The following FLRT2 variants were observed in gnomAD, a reference collection of about 807,000 sequenced individuals.
The protein encoded by FLRT2 is fibronectin leucine rich transmembrane protein 2, also known as leucine-rich repeat transmembrane protein FLRT2.
Under a neutral mutation model 40.0 loss-of-function variants are expected in FLRT2, and 15 were observed. That is an observed-to-expected ratio of 0.38 (90% CI 0.25 to 0.58). The LOEUF (loss-of-function observed/expected upper bound fraction) is 0.58, where lower values mean the gene tolerates loss of function less well. Ranked by LOEUF, FLRT2 falls within the 20% of genes least tolerant of loss-of-function variation. FLRT2 has a pLI of 0.71. For missense variants in FLRT2, 726 were observed against 840.0 expected (o/e 0.86, Z 1.68); for synonymous variants, 380 against 336.8 (o/e 1.13, Z -1.41).
chr14:85,629,216 A>G lies in FLRT2; in HGVS notation c.*5719A>G, dbSNP rs1893805853. On this transcript the variant is annotated 3_prime_UTR_variant, in exon 2 of 2. Coordinates refer to ENST00000330753, the MANE Select transcript of FLRT2 (RefSeq NM_013231.6). Reference sequence around the variant, plus strand: ...ATTGACAGGACATCTAAGGTGACAAAAGAGATGTTTCTACCTGTTGGTAAG... The same window carrying G: ...ATTGACAGGACATCTAAGGTGACAAGAGAGATGTTTCTACCTGTTGGTAAG... 1 of 152,180 alleles carries G rather than the reference A, an allele frequency of 6.6e-6. No individual in the cohort carries two copies. The highest frequency in any genetic ancestry group is 1.5e-5 in the Non-Finnish European group (1 of 68,040). The allele number at this position is 152,180 out of a possible 1,614,324, so 9.4% of individuals were successfully genotyped here.
chr14:85,628,877 T>C lies in FLRT2; in HGVS notation c.*5380T>C, dbSNP rs1893799326. 6.6e-6 allele frequency: 1 copy of C among 152,216 alleles called. No homozygotes were observed. The highest frequency in any genetic ancestry group is 2.4e-5 in the African/African-American group (1 of 41,458). 9.4% of individuals were successfully genotyped at this position (152,216 alleles called of 1,614,324 possible). A position where few individuals can be genotyped will look rare whatever the true frequency, so the allele number is the denominator to read the frequency against. ...ACCATTAGTCAAAAAATACCATTCATTCAAAATAATTCATTAATGTCCTCC... is the reference window on the plus strand; with the variant it reads ...ACCATTAGTCAAAAAATACCATTCACTCAAAATAATTCATTAATGTCCTCC... On this transcript the variant is annotated 3_prime_UTR_variant, in exon 2 of 2. Transcript: ENST00000330753.
At position 85,622,309 on chromosome 14, in the gene FLRT2, C is replaced by T; in HGVS notation, c.795C>T (p.Asn265=). The T allele has an allele frequency of 6.2e-7, 1 of 1,614,102 alleles. No homozygotes were observed. The highest frequency in any genetic ancestry group is 1.1e-5 in the South Asian group (1 of 91,086). ...IRLYLQDNQI[N]HIPLTAFSNL... ...TCTATTTGCAGGACAACCAGATAAA[C>T]CACATTCCTTTGACAGCCTTCTCAA... is the stretch of plus-strand genomic sequence containing the variant. The change falls in exon 2 of 2, where the codon AAC becomes AAT. Residue 265 remains asparagine, a synonymous_variant. Coordinates refer to ENST00000330753, the MANE Select transcript of FLRT2 (RefSeq NM_013231.6).
Position 85,631,598 on chromosome 14 carries a change from T to G in FLRT2, c.*8101T>G, listed in dbSNP as rs1037335503. On this transcript the variant is annotated 3_prime_UTR_variant, in exon 2 of 2. Coordinates refer to ENST00000330753, the MANE Select transcript of FLRT2 (RefSeq NM_013231.6). Reference sequence around the variant, plus strand: ...TGTGGAGTTCTGACTTGTGCAAAATTAGCCTTGCTCAAAGACCACAGTATG... The same window carrying G: ...TGTGGAGTTCTGACTTGTGCAAAATGAGCCTTGCTCAAAGACCACAGTATG... 3.9e-5 allele frequency: 6 copies of G among 152,144 alleles called. No individual in the cohort carries two copies. Among genetic ancestry groups the G allele is most frequent in the African/African-American group, 1.4e-4 (6 of 41,438 alleles). The allele number at this position is 152,144 out of a possible 1,614,324, so 9.4% of individuals were successfully genotyped here.
rs760155704 is a variant in FLRT2 at position 85,625,330 on chromosome 14, C to G, written c.*1833C>G. On this transcript the variant is annotated 3_prime_UTR_variant, in exon 2 of 2. Coordinates refer to ENST00000330753, the MANE Select transcript of FLRT2 (RefSeq NM_013231.6). The stretch of plus-strand genomic sequence containing the variant: ...CTCTCTCTCTCTCAGCAAAATAAAA[C>G]TGTGATGTGTCTTCTTTGTAAAAGT... 2.4e-5 allele frequency: 4 copies of G among 166,988 alleles called. No homozygotes were observed. Among genetic ancestry groups the G allele is most frequent in the Non-Finnish European group, 5.9e-5 (4 of 68,118 alleles). The allele number at this position is 166,988 out of a possible 1,614,324, so 10.3% of individuals were successfully genotyped here.
intron 1 of FLRT2, among the ~76,000 whole-genome samples, chr14:85,588,501 G>A (rs1891736915): frequency 6.6e-6 from 1 of 151,370 alleles, no homozygotes; most frequent in Non-Finnish European, 1.5e-5. Flanking sequence ...GTACATAGTA[G>A]GTGTATATAT....
At chr14:85,595,517 A>C (rs1892096012) in intron 1 of FLRT2, among the ~76,000 whole-genome samples, 1 of 121,952 alleles carries the variant, frequency 8.2e-6, no homozygotes, top group Admixed American at 8.5e-5. Context: ...ATTTGCATAC[A>C]TTTCAAGTAT....
rs1894223299 is a variant in FLRT2 at position 85,643,712 on chromosome 14, C to T, written c.*20215C>T. 1 of 152,008 alleles carries T rather than the reference C, an allele frequency of 6.6e-6. No homozygotes were observed. The highest frequency in any genetic ancestry group is 1.5e-5 in the Non-Finnish European group (1 of 68,042). The allele number at this position is 152,008 out of a possible 1,614,324, so 9.4% of individuals were successfully genotyped here. On this transcript the variant is annotated 3_prime_UTR_variant, in exon 2 of 2. Transcript: ENST00000330753. ...CTGGCCAGAGGGTGTTTCTTTAAGG[C>T]ATTTATTAATGCATTGATGAGGACT...
intron 1 of FLRT2, among the ~76,000 whole-genome samples, chr14:85,619,304 C>T (rs771436578): frequency 2.0e-5 from 3 of 152,002 alleles, no homozygotes; most frequent in African/African-American, 4.8e-5. Context: ...AAGCTGGTCT[C>T]GAACTCCTGG....
At chr14:85,549,248 C>T (rs764087174) in intron 1 of FLRT2, among the ~76,000 whole-genome samples, 1 of 152,168 alleles carries the variant, frequency 6.6e-6, no homozygotes, top group Non-Finnish European at 1.5e-5. Flanking sequence ...CTTAAGCCAT[C>T]CATGGATGGC....
At chr14:85,554,835 C>T (rs1889859825) in intron 1 of FLRT2, among the ~76,000 whole-genome samples, 1 of 152,106 alleles carries the variant, frequency 6.6e-6, no homozygotes. Context: ...TACAGGATGC[C>T]CATTAAGAGT....
rs147139259 is a variant in FLRT2 at position 85,602,179 on chromosome 14, C to T, written c.-376-18960C>T. On this transcript the variant is annotated intron_variant, in intron 1 of 1. Transcript: ENST00000330753. The stretch of plus-strand genomic sequence containing the variant: ...ATATGCACTCTTATACATACGTACA[C>T]CCTGTAAATGCATGCATAAATATGC... Among the ~76,000 whole-genome samples the T allele has an allele frequency of 9.9e-3, 1,503 of 152,274 alleles. 15 individuals carry two copies. The highest frequency in any genetic ancestry group is 0.044 in the Middle Eastern group (13 of 294).
At chr14:85,558,040 G>A (rs1476935767) in intron 1 of FLRT2, among the ~76,000 whole-genome samples, 1 of 152,112 alleles carries the variant, frequency 6.6e-6, no homozygotes, top group African/African-American at 2.4e-5. Flanking sequence ...TCCGTAGAAA[G>A]CATCTGTAGA....
At chr14:85,567,873 T>A (rs1225301113) in intron 1 of FLRT2, among the ~76,000 whole-genome samples, 1 of 152,006 alleles carries the variant, frequency 6.6e-6, no homozygotes, top group Non-Finnish European at 1.5e-5. Context: ...ACTCCTGACC[T>A]TGTGATCCTC....
intron 1 of FLRT2, among the ~76,000 whole-genome samples, chr14:85,588,681 C>G (rs1420706124): frequency 6.6e-6 from 1 of 152,010 alleles, no homozygotes; most frequent in Non-Finnish European, 1.5e-5. Flanking sequence ...ATCATAGTCA[C>G]CCCGTTGTGC....
At chr14:85,586,038 T>A (rs1262695251) in intron 1 of FLRT2, among the ~76,000 whole-genome samples, 1 of 148,448 alleles carries the variant, frequency 6.7e-6, no homozygotes, top group Non-Finnish European at 1.5e-5. Context: ...TTAATTAAAA[T>A]ATATATTATA....
intron 1 of FLRT2, among the ~76,000 whole-genome samples, chr14:85,573,346 T>C (rs1890984918): frequency 6.6e-6 from 1 of 152,066 alleles, no homozygotes; most frequent in Non-Finnish European, 1.5e-5. Context: ...CACACATCTT[T>C]GGGAGCAAAA....
chr14:85,601,927 C>A (rs1892393645), intron 1 of FLRT2, among the ~76,000 whole-genome samples: 3 of 152,118 alleles, frequency 2.0e-5, no homozygotes. Flanking sequence ...ATATCAGGTT[C>A]TAGAAATAGT....
intron 1 of FLRT2, among the ~76,000 whole-genome samples, chr14:85,600,310 A>G (rs1892329084): frequency 6.6e-6 from 1 of 152,190 alleles, no homozygotes; most frequent in Non-Finnish European, 1.5e-5. Context: ...GGGTTTGGAA[A>G]TGCAGGGCTA....
chr14:85,589,619 T>C (rs749511795), intron 1 of FLRT2, among the ~76,000 whole-genome samples: 14 of 152,190 alleles, frequency 9.2e-5, no homozygotes, highest in Non-Finnish European at 1.9e-4. Context: ...TAACTTGTGA[T>C]CCCATTTGTC....
Sources: allele counts gnomAD v4.1 joint callset (sites outside exome capture counted in the v4.1 genomes callset), GRCh38; gene constraint gnomAD v4.1.1; transcripts MANE v1.5; gene names NCBI Gene and HGNC (gene_info 2026-07-23, HGNC 2026-07-21).